MYO3A: variants seen among roughly 807,000 people sequenced by gnomAD.
MYO3A encodes the protein myosin-IIIa.
In MYO3A, 180 loss-of-function variants were observed where a neutral mutation model predicts 192.7. The observed-to-expected ratio is 0.93, with a 90% CI of 0.83 to 1.06. The LOEUF (loss-of-function observed/expected upper bound fraction) is 1.06, where lower values mean the gene tolerates loss of function less well. Ranked by LOEUF, MYO3A falls within the 50% of genes least tolerant of loss-of-function variation. The probability of loss-of-function intolerance (pLI) is 0.00; values close to 1 mark genes in which losing one functional copy is unlikely to be tolerated. For synonymous variants in MYO3A, 628 were observed against 645.3 expected, an observed-to-expected ratio of 0.97 and a Z score of 0.41; for missense variants, 1,896 against 1,905.0, an observed-to-expected ratio of 1.00 and a Z score of 0.09.
At chr10:26,033,783 T>A (rs984796428) in intron 10 of MYO3A, among the ~76,000 whole-genome samples, 1 of 152,188 alleles carries the variant, frequency 6.6e-6, no homozygotes, top group Non-Finnish European at 1.5e-5. Flanking sequence ...GAGGTCGCCT[T>A]TGAATCAGCA....
Position 26,154,746 on chromosome 10 carries a change from G to T in MYO3A, c.2716G>T (p.Gly906Cys), listed in dbSNP as rs774972180. ...TSEKLINLAKGDTGEATRHAR... is the reference protein window; with the variant it reads ...TSEKLINLAKCDTGEATRHAR... ...TCACTGTCTTCCTTGGTCTCCTTAG[G>T]GCGACACTGGAGAAGCCACACGTCA... The change falls in exon 25 of 35, where the codon GGC becomes TGC. Residue 906 changes from glycine (G) to cysteine (C), a missense_variant and splice_region_variant. Gly to Cys is a radical substitution (Grantham distance 159). Coordinates refer to ENST00000642920, the MANE Select transcript of MYO3A (RefSeq NM_017433.5). The T allele has an allele frequency of 6.2e-7, 1 of 1,613,382 alleles. No homozygotes were observed. The highest frequency in any genetic ancestry group is 8.5e-7 in the Non-Finnish European group (1 of 1,179,598).
intron 10 of MYO3A, among the ~76,000 whole-genome samples, chr10:26,060,927 ATTTTATTTTAT>A (rs1834427798): frequency 8.5e-6 from 1 of 116,968 alleles, no homozygotes; most frequent in Non-Finnish European, 2.1e-5. Context: ...TTTTATTTTT[ATTTTATTTTAT>A]TTTTTTTTGA....
chr10:26,017,525 G>A (rs1356183954), intron 7 of MYO3A, among the ~76,000 whole-genome samples: 2 of 152,130 alleles, frequency 1.3e-5, no homozygotes, highest in Admixed American at 1.3e-4. Context: ...GTTGGGGAAA[G>A]CGCTGCTATT....
At chr10:25,995,736 C>T (rs1840385681) in intron 4 of MYO3A, among the ~76,000 whole-genome samples, 1 of 152,242 alleles carries the variant, frequency 6.6e-6, no homozygotes, top group Non-Finnish European at 1.5e-5. Flanking sequence ...GGACCCTCAG[C>T]TGCAGGTCTG....
In MYO3A at chr10:26,187,557, T is replaced by C. The variant is rs188700017; in HGVS notation, c.4439-5648T>C. 2.1e-4 allele frequency among the ~76,000 whole-genome samples: 32 copies of C among 152,054 alleles called. 1 individual carries two copies. The highest frequency in any genetic ancestry group is 7.5e-4 in the African/African-American group (31 of 41,484). On this transcript the variant is annotated intron_variant, in intron 31 of 34. Coordinates refer to ENST00000642920, the MANE Select transcript of MYO3A (RefSeq NM_017433.5). ...GCACAACGTGCAGGTTTGTTACATA[T>C]ATATACATGTGCCATGTTGGTGTGC...
intron 25 of MYO3A, among the ~76,000 whole-genome samples, chr10:26,155,264 G>T (rs1382439464): frequency 6.6e-6 from 1 of 152,172 alleles, no homozygotes; most frequent in Non-Finnish European, 1.5e-5. Flanking sequence ...AATAGAGCCC[G>T]TGTAGGAATG....
chr10:26,187,489 CT>C (rs1045910884), intron 31 of MYO3A, among the ~76,000 whole-genome samples: 18 of 144,436 alleles, frequency 1.2e-4, no homozygotes, highest in East Asian at 2.2e-4. Flanking sequence ...GTGTGTCTGT[CT>C]TTTTTTTATT....
intron 32 of MYO3A, among the ~76,000 whole-genome samples, chr10:26,196,770 A>T (rs1843429078): frequency 6.6e-6 from 1 of 151,908 alleles, no homozygotes; most frequent in African/African-American, 2.4e-5. Context: ...AAGTGAATGA[A>T]TTTTTTTTAA....
At chr10:26,060,052 G>A (rs1834360419) in intron 10 of MYO3A, among the ~76,000 whole-genome samples, 1 of 152,156 alleles carries the variant, frequency 6.6e-6, no homozygotes, top group African/African-American at 2.4e-5. Context: ...GAAGTCAGGA[G>A]TTCCAGACCA....
intron 7 of MYO3A, among the ~76,000 whole-genome samples, chr10:26,020,588 A>C (rs150578850): frequency 6.6e-6 from 1 of 151,516 alleles, no homozygotes; most frequent in African/African-American, 2.4e-5. Flanking sequence ...TCATTCTAAA[A>C]ATATCTTTTA....
At chr10:26,165,968 C>A in intron 26 of MYO3A, 99 bp from the exon 27 acceptor site, 1 of 989,490 alleles carries the variant, frequency 1.0e-6, no homozygotes, top group Admixed American at 1.7e-5. Flanking sequence ...GTCTGGGCAT[C>A]TCTTCCTCAG....
intron 11 of MYO3A, 77 bp downstream of exon 11, chr10:26,067,151 A>T: frequency 6.5e-6 from 6 of 929,666 alleles, no homozygotes; most frequent in Non-Finnish European, 1.1e-5. Context: ...TATTGGTAGA[A>T]GGGGAAGGAA....
intron 34 of MYO3A, among the ~76,000 whole-genome samples, chr10:26,207,038 T>C (rs1843992872): frequency 6.6e-6 from 1 of 152,074 alleles, no homozygotes; most frequent in African/African-American, 2.4e-5. Context: ...CATTGTTTAA[T>C]TGGGTTATTG....
chr10:25,979,508 G>T (rs113761813), intron 4 of MYO3A, among the ~76,000 whole-genome samples: 202 of 128,080 alleles, frequency 1.6e-3, no homozygotes, highest in African/African-American at 5.5e-3. Flanking sequence ...TGTTCCAGAA[G>T]ACATCATAAC....
rs998355672 is a variant in MYO3A, at chr10:25,993,979, C to T, written c.304-2511C>T. 6.6e-5 allele frequency among the ~76,000 whole-genome samples: 10 copies of T among 152,162 alleles called. 1 individual carries two copies. The Middle Eastern group carries it at 0.014, about 207-fold the overall frequency. ...AGGTGCGGTGTGGTTCTGAGAAGAA[C>T]GTATATTCTGTTGATTTGGGGTAGA... On this transcript the variant is annotated intron_variant, in intron 4 of 34. Coordinates refer to ENST00000642920, the MANE Select transcript of MYO3A (RefSeq NM_017433.5).
At chr10:26,185,735 C>T (rs1376822529) in intron 31 of MYO3A, among the ~76,000 whole-genome samples, 1 of 152,042 alleles carries the variant, frequency 6.6e-6, no homozygotes, top group East Asian at 1.9e-4. Context: ...CCACATTACT[C>T]ACCCCCAACC....
chr10:26,044,985 C>A (rs943858574), intron 10 of MYO3A, among the ~76,000 whole-genome samples: 1 of 152,180 alleles, frequency 6.6e-6, no homozygotes. Flanking sequence ...AGCAGTGTAT[C>A]CACCCAGAGC....
chr10:26,051,436 G>A (rs17666263), intron 10 of MYO3A, among the ~76,000 whole-genome samples: 2 of 151,280 alleles, frequency 1.3e-5, no homozygotes, highest in South Asian at 2.1e-4. Context: ...AATACTAATC[G>A]TTGCTACTGG....
intron 34 of MYO3A, among the ~76,000 whole-genome samples, chr10:26,203,472 ACT>A (rs1293455513): frequency 6.6e-6 from 1 of 152,228 alleles, no homozygotes; most frequent in Admixed American, 6.5e-5. Context: ...AATTTTAATT[ACT>A]CATTGGTTTC....
Sources: gnomAD v4.1 joint callset for allele counts (sites outside exome capture counted in the v4.1 genomes callset) on GRCh38, gnomAD v4.1.1 for gene constraint, MANE v1.5 for transcripts, NCBI Gene and HGNC (gene_info 2026-07-23, HGNC 2026-07-21) for gene names.